Variants in GHR observed in about 807,000 individuals in gnomAD.
The protein encoded by GHR is GH receptor.
Under a neutral mutation model 67.1 loss-of-function variants are expected in GHR, and 35 were observed. The observed-to-expected ratio is 0.52, with a 90% CI of 0.40 to 0.69. GHR has a LOEUF of 0.69. Among genes scored for constraint, GHR ranks in the 30% least tolerant of loss-of-function variants. The pLI is 0.00. For synonymous variants in GHR, 272 were observed against 269.1 expected (o/e 1.01, Z -0.10); for missense variants, 792 against 764.6 (o/e 1.04, Z -0.42).
At chr5:42,576,050 A>G (rs1271596988) in intron 2 of GHR, among the ~76,000 whole-genome samples, 24,764 of 94,860 alleles carry the variant, frequency 0.26, 2,755 homozygotes, top group African/African-American at 0.36. Context: ...TTAAAATAAT[A>G]AAATAAAATA....
intron 2 of GHR, among the ~76,000 whole-genome samples, chr5:42,595,545 G>T (rs767145857): frequency 6.6e-6 from 1 of 152,086 alleles, no homozygotes. Flanking sequence ...CCTTTGTTCT[G>T]ATTTATTTTT....
At chr5:42,572,992 T>G (rs1750418327) in intron 2 of GHR, among the ~76,000 whole-genome samples, 1 of 152,128 alleles carries the variant, frequency 6.6e-6, no homozygotes, top group South Asian at 2.1e-4. Context: ...TAAATACAGT[T>G]TAATTGGTTT....
intron 1 of GHR, among the ~76,000 whole-genome samples, chr5:42,430,706 T>G (rs1743057919): frequency 6.6e-6 from 1 of 152,036 alleles, no homozygotes; most frequent in South Asian, 2.1e-4. Flanking sequence ...TTTTTTGCTT[T>G]ATTCTAGTCT....
chr5:42,695,808 C>T (rs1346054088), intron 5 of GHR, among the ~76,000 whole-genome samples: 1 of 152,098 alleles, frequency 6.6e-6, no homozygotes, highest in Non-Finnish European at 1.5e-5. Context: ...AAATTAGTGC[C>T]TCAAAATCTA....
In GHR at chr5:42,543,863, C is replaced by T. The variant is rs575971064; in HGVS notation, c.-11-22001C>T. Among the ~76,000 whole-genome samples the T allele has an allele frequency of 3.3e-5, 5 of 152,176 alleles. No homozygotes were observed. The South Asian group carries it at 1.0e-3, about 32-fold the overall frequency. ...GTGTGTTGGAGCTTCTCAATCTGCC[C>T]TCCAAGGCTCGTAACTGCTCTTTTA... On this transcript the variant is annotated intron_variant, in intron 1 of 9. Coordinates refer to ENST00000230882, the MANE Select transcript of GHR (RefSeq NM_000163.5).
chr5:42,472,539 G>A (rs1044080194), intron 1 of GHR, among the ~76,000 whole-genome samples: 2 of 152,300 alleles, frequency 1.3e-5, no homozygotes, highest in Admixed American at 1.3e-4. Flanking sequence ...CCAAATAGTA[G>A]AAAGAGAATT....
chr5:42,581,498 T>C (rs1751166900), intron 2 of GHR, among the ~76,000 whole-genome samples: 1 of 152,198 alleles, frequency 6.6e-6, no homozygotes, highest in South Asian at 2.1e-4. Context: ...GCATTAAGCA[T>C]ATATTATGTT....
chr5:42,574,255 G>A (rs34521671), intron 2 of GHR, among the ~76,000 whole-genome samples: 27,625 of 152,114 alleles, frequency 0.18, 2,736 homozygotes, highest in Non-Finnish European at 0.19. Flanking sequence ...TCAGGGCACC[G>A]TTTGGCCAGC....
chr5:42,639,283 G>A (rs1348529423), intron 3 of GHR, among the ~76,000 whole-genome samples: 2 of 152,136 alleles, frequency 1.3e-5, no homozygotes, highest in African/African-American at 2.4e-5. Flanking sequence ...AATTTTTGCT[G>A]AAGAATAAAG....
At chr5:42,428,109 G>A (rs997175355) in intron 1 of GHR, among the ~76,000 whole-genome samples, 1 of 152,218 alleles carries the variant, frequency 6.6e-6, no homozygotes, top group Non-Finnish European at 1.5e-5. Flanking sequence ...GGTTGTTTAT[G>A]AGGGCTCTGC....
chr5:42,587,545 A>C (rs1323694971), intron 2 of GHR, among the ~76,000 whole-genome samples: 3 of 151,586 alleles, frequency 2.0e-5, no homozygotes, highest in African/African-American at 7.3e-5. Context: ...TCTAAACTCC[A>C]CCTCCTTCTT....
At chr5:42,679,953 T>C (rs1298671682) in intron 3 of GHR, among the ~76,000 whole-genome samples, 1 of 152,212 alleles carries the variant, frequency 6.6e-6, no homozygotes, top group Non-Finnish European at 1.5e-5. Flanking sequence ...AATTACATAT[T>C]CACATCTTCT....
At chr5:42,695,496 T>C (rs1757632479) in intron 5 of GHR, among the ~76,000 whole-genome samples, 2 of 152,236 alleles carry the variant, frequency 1.3e-5, no homozygotes, top group Admixed American at 6.5e-5. Context: ...ACCTCTACCA[T>C]TGCTGTAATC....
intron 3 of GHR, among the ~76,000 whole-genome samples, chr5:42,670,874 A>ATATATAT (rs1254302009): frequency 7.6e-5 from 7 of 91,878 alleles, no homozygotes; most frequent in African/African-American, 2.8e-4. Flanking sequence ...TTAAAAAAAA[A>ATATATAT]AAAAAAATAT....
At position 42,719,134 on chromosome 5, in the gene GHR, T is replaced by C. The variant is rs772630901; in HGVS notation, c.1627T>C (p.Cys543Arg). The C allele has an allele frequency of 3.7e-6, 6 of 1,614,008 alleles. No homozygotes were observed. In the South Asian group the frequency reaches 4.4e-5, roughly 12 times the overall value. The change falls in exon 10 of 10, where the codon TGC (cysteine) becomes CGC (arginine). Residue 543 changes from cysteine to arginine, a missense_variant. Cys to Arg is a radical substitution (Grantham distance 180). Coordinates refer to ENST00000230882, the MANE Select transcript of GHR (RefSeq NM_000163.5). ...CTTCTGTGAGGCAGATGCCAAAAAGTGCATCCCTGTGGCTCCTCACATCAA... is the reference window on the plus strand; with the variant it reads ...CTTCTGTGAGGCAGATGCCAAAAAGCGCATCCCTGTGGCTCCTCACATCAA... ...AYFCEADAKKCIPVAPHIKVE... is the reference protein window; with the variant it reads ...AYFCEADAKKRIPVAPHIKVE...
At chr5:42,686,918 T>C (rs535209386) in intron 3 of GHR, among the ~76,000 whole-genome samples, 9 of 152,302 alleles carry the variant, frequency 5.9e-5, no homozygotes, top group African/African-American at 1.7e-4. Context: ...TGATTGTATA[T>C]TTAGAAAACC....
intron 1 of GHR, among the ~76,000 whole-genome samples, chr5:42,550,944 C>G (rs1228981500): frequency 6.6e-6 from 1 of 152,190 alleles, no homozygotes; most frequent in Non-Finnish European, 1.5e-5. Context: ...CTAGCCCTCT[C>G]TTTTCTCTTT....
chr5:42,477,344 G>C (rs1484700332), intron 1 of GHR, among the ~76,000 whole-genome samples: 1 of 152,080 alleles, frequency 6.6e-6, no homozygotes, highest in Non-Finnish European at 1.5e-5. Context: ...ATAAACATAC[G>C]TGTGCATGTG....
At chr5:42,467,424 G>C (rs1432926294) in intron 1 of GHR, 1 of 943,246 alleles carries the variant, frequency 1.1e-6, no homozygotes, top group African/African-American at 1.6e-5. Flanking sequence ...GGACAATATG[G>C]TTTGAGCTCC....
Sources: allele counts gnomAD v4.1 joint callset (sites outside exome capture counted in the v4.1 genomes callset), GRCh38; gene constraint gnomAD v4.1.1; transcripts MANE v1.5; gene names NCBI Gene and HGNC (gene_info 2026-07-23, HGNC 2026-07-21).